The following UBXN2B variants were observed in gnomAD, a reference collection of about 807,000 sequenced individuals.
The protein encoded by UBXN2B is UBX domain protein 2B.
UBXN2B carries 19 observed loss-of-function variants against 37.5 expected under a neutral mutation model. The ratio of observed to expected loss-of-function variants is 0.51; its 90% CI spans 0.35 to 0.74. The LOEUF is 0.74. UBXN2B is among the 30% of genes least tolerant of loss of function. The pLI, the probability that UBXN2B is intolerant of heterozygous loss-of-function variation, is 0.01. For synonymous variants in UBXN2B, 145 were observed against 143.8 expected (o/e 1.01, Z -0.06); for missense variants, 370 against 393.2 (o/e 0.94, Z 0.50).
Position 58,433,150 on chromosome 8 carries a change from T to C in UBXN2B, c.340-10T>C, listed in dbSNP as rs1259435991. ...TTTGTGAATTTTAACTCACTTGCTA[T>C]GTATTTTAGTCATTTACAGGTGGAG... On this transcript the variant is annotated splice_polypyrimidine_tract_variant and intron_variant, in intron 3 of 7. Coordinates refer to ENST00000399598, the MANE Select transcript of UBXN2B (RefSeq NM_001077619.2). The C allele has an allele frequency of 1.9e-6, 3 of 1,596,292 alleles. No homozygotes were observed. The African/African-American group carries it at 4.0e-5, about 21-fold the overall frequency.
Position 58,439,903 on chromosome 8 carries a change from T to TAATA in UBXN2B, c.671+134_671+135insATAA, listed in dbSNP as rs1163726911. 8.9e-6 allele frequency: 6 copies of TAATA among 676,364 alleles called. No homozygotes were observed. The East Asian group carries it at 1.5e-4, about 17-fold the overall frequency. The allele number at this position is 676,364 out of a possible 1,614,324, so 41.9% of individuals were successfully genotyped here. A position where few individuals can be genotyped will look rare whatever the true frequency, so the allele number is the denominator to read the frequency against. ...CACATTAGATATATACATCTGTTAA[T>TAATA]ATTATATCATAATATTATATCATGT... On this transcript the variant is annotated intron_variant, in intron 6 of 7. Transcript: ENST00000399598.
At chr8:58,428,901 A>C (rs1401886615) in intron 2 of UBXN2B, among the ~76,000 whole-genome samples, 2 of 152,216 alleles carry the variant, frequency 1.3e-5, no homozygotes, top group South Asian at 4.1e-4. Context: ...GGACAAATGG[A>C]CATTTATGTA....
chr8:58,438,701 CAGATG>C, intron 5 of UBXN2B, among the ~76,000 whole-genome samples: 1 of 152,136 alleles, frequency 6.6e-6, no homozygotes, highest in East Asian at 1.9e-4. Flanking sequence ...GCTTGAATCT[CAGATG>C]AGATTTTGGA....
intron 2 of UBXN2B, among the ~76,000 whole-genome samples, chr8:58,426,878 T>C (rs962226343): frequency 5.3e-5 from 8 of 151,916 alleles, no homozygotes; most frequent in African/African-American, 1.9e-4. Flanking sequence ...GCTGGCTTGC[T>C]CCTCCTCCCT....
intron 6 of UBXN2B, among the ~76,000 whole-genome samples, chr8:58,440,137 C>T (rs1395095388): frequency 6.6e-6 from 1 of 152,192 alleles, no homozygotes; most frequent in Non-Finnish European, 1.5e-5. Context: ...AAATGACTAG[C>T]ATGTGGGATT....
At chr8:58,424,011 A>G (rs552726598) in intron 2 of UBXN2B, among the ~76,000 whole-genome samples, 323 of 152,206 alleles carry the variant, frequency 2.1e-3, no homozygotes, top group Non-Finnish European at 3.4e-3. Flanking sequence ...GCCAATGCAA[A>G]GGTAGACCAG....
chr8:58,431,289 A>G (rs1283990045), intron 3 of UBXN2B, among the ~76,000 whole-genome samples: 5 of 152,242 alleles, frequency 3.3e-5, no homozygotes, highest in Admixed American at 1.3e-4. Flanking sequence ...CCTGGCCAAC[A>G]TGGTGAAACT....
intron 1 of UBXN2B, among the ~76,000 whole-genome samples, chr8:58,415,165 G>C (rs985390877): frequency 2.6e-5 from 4 of 151,906 alleles, no homozygotes; most frequent in African/African-American, 9.7e-5. Flanking sequence ...ATGTCATTGG[G>C]GGTATTACGT....
At chr8:58,439,599 C>A (rs1404972988) in intron 5 of UBXN2B, 34 bp from the exon 6 acceptor site, 1 of 1,584,932 alleles carries the variant, frequency 6.3e-7, no homozygotes, top group African/African-American at 1.4e-5. Flanking sequence ...TCTTGGAAAA[C>A]TTAATGATAA....
At chr8:58,439,466 A>T (rs904340503) in intron 5 of UBXN2B, among the ~76,000 whole-genome samples, 167 bp from the exon 6 acceptor site, 1 of 152,222 alleles carries the variant, frequency 6.6e-6, no homozygotes, top group Non-Finnish European at 1.5e-5. Context: ...AGTGACTTTA[A>T]AAAAGATCTA....
chr8:58,439,746 G>A lies in UBXN2B; in HGVS notation c.647G>A (p.Ser216Asn), dbSNP rs749418561. Residue 216 changes from serine (S) to asparagine (N), a missense_variant, in exon 6 of 8, where the codon AGT (serine) becomes AAT (asparagine). This residue lies in a region of UBXN2B where 90 missense variants were observed against 139.4 expected (regional missense o/e 0.65). Transcript: ENST00000399598. Reference sequence around the variant, plus strand: ...CCTAGATTGAGGTTCAAGGCTTTTAGTGGAGAAGGGCAAAAACTTGGAAGG... The same window carrying A: ...CCTAGATTGAGGTTCAAGGCTTTTAATGGAGAAGGGCAAAAACTTGGAAGG... ...IKPRLRFKAF[S>N]GEGQKLGSLT... The A allele has an allele frequency of 6.2e-7, 1 of 1,603,664 alleles. No individual in the cohort carries two copies.
rs1424057208 is a variant in UBXN2B at position 58,448,674 on chromosome 8, A to C, written c.*1123A>C. The stretch of plus-strand genomic sequence containing the variant: ...CTTCTCCAGAACAAGACTAGTGTAG[A>C]AATACAGGAATGTAAATTCTGTCAG... On this transcript the variant is annotated 3_prime_UTR_variant, in exon 8 of 8. Coordinates refer to ENST00000399598, the MANE Select transcript of UBXN2B (RefSeq NM_001077619.2). 1 of 152,580 alleles carries C rather than the reference A, an allele frequency of 6.6e-6. No homozygotes were observed. The highest frequency in any genetic ancestry group is 1.9e-4 in the East Asian group (1 of 5,200). 9.5% of individuals were successfully genotyped at this position (152,580 alleles called of 1,614,324 possible).
chr8:58,426,202 CTT>C (rs34005463), intron 2 of UBXN2B: 25,792 of 307,040 alleles, frequency 0.084, no homozygotes, highest in East Asian at 0.1. Context: ...TGTTCTGAAT[CTT>C]TTTTTTTTTT....
chr8:58,417,086 G>C lies in UBXN2B; in HGVS notation c.188+133G>C, dbSNP rs1003576263. 11 of 648,638 alleles carry C rather than the reference G, an allele frequency of 1.7e-5. No individual in the cohort carries two copies. In the East Asian group the frequency reaches 3.4e-4, roughly 20 times the overall value. 40.2% of individuals were successfully genotyped at this position (648,638 alleles called of 1,614,324 possible). ...TTAAAAATTATTATTCCAAGATCGA[G>C]GCAGATTTGGATAAAAAATAGAAAT... is the stretch of plus-strand genomic sequence containing the variant. On this transcript the variant is annotated intron_variant, in intron 2 of 7. Transcript: ENST00000399598.
At chr8:58,431,533 G>A (rs1808277075) in intron 3 of UBXN2B, among the ~76,000 whole-genome samples, 1 of 152,140 alleles carries the variant, frequency 6.6e-6, no homozygotes, top group Admixed American at 6.5e-5. Flanking sequence ...TGAGCAATTG[G>A]GTACAGGTTT....
chr8:58,424,695 G>C (rs187179075), intron 2 of UBXN2B: 25 of 1,333,438 alleles, frequency 1.9e-5, no homozygotes, highest in Admixed American at 3.4e-5. Flanking sequence ...GGCGGGGGGG[G>C]GGGCTCTGAT....
intron 2 of UBXN2B, among the ~76,000 whole-genome samples, chr8:58,417,284 C>T (rs1807809986): frequency 6.6e-6 from 1 of 152,092 alleles, no homozygotes; most frequent in Non-Finnish European, 1.5e-5. Flanking sequence ...AGTCATAGGA[C>T]TCATTAAGGG....
intron 1 of UBXN2B, among the ~76,000 whole-genome samples, chr8:58,416,366 A>G (rs1027813067): frequency 7.2e-5 from 11 of 152,200 alleles, no homozygotes; most frequent in Admixed American, 3.9e-4. Flanking sequence ...TCATTTTCCT[A>G]AACACGATGA....
intron 2 of UBXN2B, chr8:58,426,420 G>C (rs934533623): frequency 1.7e-6 from 1 of 591,590 alleles, no homozygotes; most frequent in Non-Finnish European, 3.1e-6. Flanking sequence ...ATGTTAGCCA[G>C]GATGGTCTCA....
Sources: gnomAD v4.1 joint callset for allele counts (sites outside exome capture counted in the v4.1 genomes callset) on GRCh38, gnomAD v4.1.1 for gene constraint, gnomAD v4.1.1 regional missense constraint, MANE v1.5 for transcripts, NCBI Gene and HGNC (gene_info 2026-07-23, HGNC 2026-07-21) for gene names.